Variants in R3HDM2 observed in about 807,000 individuals in gnomAD.
R3HDM2 encodes R3H domain-containing protein 2.
A neutral mutation model predicts 124.5 loss-of-function variants in R3HDM2; 38 were observed. The ratio of observed to expected loss-of-function variants is 0.31; its 90% CI spans 0.24 to 0.40. The LOEUF is 0.40. Ranked by LOEUF, R3HDM2 falls within the 10% of genes least tolerant of loss-of-function variation. The probability of loss-of-function intolerance (pLI) is 1.00; values close to 1 mark genes in which losing one functional copy is unlikely to be tolerated. For missense variants in R3HDM2, 869 were observed against 1,236.9 expected, an observed-to-expected ratio of 0.70 and a Z score of 4.46; for synonymous variants, 391 against 448.0, an observed-to-expected ratio of 0.87 and a Z score of 1.61.
chr12:57,338,257 C>T (rs921791660), intron 2 of R3HDM2, among the ~76,000 whole-genome samples: 30 of 152,126 alleles, frequency 2.0e-4, no homozygotes, highest in African/African-American at 7.0e-4. Flanking sequence ...GAGCCAAGAT[C>T]GCACCATTGC....
intron 2 of R3HDM2, among the ~76,000 whole-genome samples, chr12:57,380,872 A>G (rs887533558): frequency 1.3e-5 from 2 of 152,208 alleles, no homozygotes; most frequent in Non-Finnish European, 2.9e-5. Context: ...ACTGAAGCTA[A>G]TTAGTATTCT....
intron 1 of R3HDM2, among the ~76,000 whole-genome samples, chr12:57,405,498 GGTGGTGTGTGCT>G (rs1362810534): frequency 6.6e-6 from 1 of 152,044 alleles, no homozygotes; most frequent in African/African-American, 2.4e-5. Context: ...AGCTGGGCAT[GGTGGTGTGTGCT>G]GTAGTCTCAG....
At chr12:57,258,471 A>C (rs2039752884) in intron 20 of R3HDM2, among the ~76,000 whole-genome samples, 1 of 151,716 alleles carries the variant, frequency 6.6e-6, no homozygotes. Context: ...CAGCCTTCTG[A>C]GTAGCTGGGA....
chr12:57,420,966 C>G (rs2070128824), intron 1 of R3HDM2, among the ~76,000 whole-genome samples: 1 of 152,006 alleles, frequency 6.6e-6, no homozygotes, highest in Non-Finnish European at 1.5e-5. Context: ...AACCAAACAT[C>G]TCATCTTTTG....
intron 19 of R3HDM2, among the ~76,000 whole-genome samples, chr12:57,264,064 GA>G (rs1171038790): frequency 6.6e-6 from 1 of 151,990 alleles, no homozygotes; most frequent in Non-Finnish European, 1.5e-5. Flanking sequence ...CCAACATGGT[GA>G]ACGCCGTCTC....
At chr12:57,356,788 C>G (rs897369374) in intron 2 of R3HDM2, among the ~76,000 whole-genome samples, 1 of 152,200 alleles carries the variant, frequency 6.6e-6, no homozygotes, top group African/African-American at 2.4e-5. Context: ...CAGTTTGTGT[C>G]TTTCATGAAA....
At chr12:57,280,246 T>C (rs1302076319) in intron 14 of R3HDM2, 112 bp downstream of exon 14, 6 of 1,114,764 alleles carry the variant, frequency 5.4e-6, no homozygotes, top group Non-Finnish European at 6.1e-6. Context: ...GAGAGTGGCA[T>C]GTCTCCAAAA....
At chr12:57,278,616 G>A (rs2045412795) in intron 14 of R3HDM2, among the ~76,000 whole-genome samples, 1 of 152,134 alleles carries the variant, frequency 6.6e-6, no homozygotes. Flanking sequence ...TTAAGACACA[G>A]ACAGAGAAAA....
chr12:57,318,417 G>A lies in R3HDM2; in HGVS notation c.-35-7954C>T, dbSNP rs138608831. Among the ~76,000 whole-genome samples the A allele has an allele frequency of 4.4e-3, 674 of 151,534 alleles. 1 individual carries two copies. The highest frequency in any genetic ancestry group is 7.0e-3 in the Non-Finnish European group (476 of 67,892). Reference sequence around the variant, plus strand: ...TGTAATCCTAGCACTTTGGGGGGCCGAGGTGGGCAGATCACAAGGTCAGGA... The same window carrying A: ...TGTAATCCTAGCACTTTGGGGGGCCAAGGTGGGCAGATCACAAGGTCAGGA... On this transcript the variant is annotated intron_variant, in intron 2 of 23. Transcript: ENST00000402412.
chr12:57,413,880 G>C (rs1290309063), intron 1 of R3HDM2, among the ~76,000 whole-genome samples: 1 of 125,002 alleles, frequency 8.0e-6, no homozygotes, highest in Non-Finnish European at 1.6e-5. Flanking sequence ...GGAGTCTCAC[G>C]CTGTCACCTA....
At chr12:57,319,075 G>T (rs930102614) in intron 2 of R3HDM2, among the ~76,000 whole-genome samples, 1 of 152,148 alleles carries the variant, frequency 6.6e-6, no homozygotes, top group African/African-American at 2.4e-5. Context: ...GTATTTAGAA[G>T]CTTTCTCATT....
intron 2 of R3HDM2, among the ~76,000 whole-genome samples, chr12:57,370,626 G>T (rs1283254869): frequency 2.0e-5 from 3 of 152,068 alleles, no homozygotes; most frequent in Non-Finnish European, 4.4e-5. Flanking sequence ...GGCAACAAGA[G>T]CGAAACTCCA....
At chr12:57,302,627 T>A (rs2051460909) in intron 4 of R3HDM2, among the ~76,000 whole-genome samples, 1 of 132,052 alleles carries the variant, frequency 7.6e-6, no homozygotes, top group South Asian at 2.3e-4. Flanking sequence ...GATTGCACCA[T>A]CGCACTAAAG....
chr12:57,336,266 A>G (rs909332603), intron 2 of R3HDM2, among the ~76,000 whole-genome samples: 1 of 152,190 alleles, frequency 6.6e-6, no homozygotes, highest in African/African-American at 2.4e-5. Context: ...CTAAAAGCAG[A>G]ACTACCATTC....
intron 14 of R3HDM2, among the ~76,000 whole-genome samples, chr12:57,278,637 AAGG>A: frequency 6.6e-6 from 1 of 152,332 alleles, no homozygotes; most frequent in South Asian, 2.1e-4. Flanking sequence ...GTACACATAC[AAGG>A]ACACTATGCT....
intron 2 of R3HDM2, among the ~76,000 whole-genome samples, chr12:57,322,450 A>C (rs925101280): frequency 3.9e-5 from 6 of 152,168 alleles, no homozygotes; most frequent in South Asian, 4.1e-4. Context: ...AGAAAATGAA[A>C]AGGTACATGA....
intron 2 of R3HDM2, among the ~76,000 whole-genome samples, chr12:57,354,558 T>G (rs2061045465): frequency 1.3e-5 from 2 of 152,080 alleles, no homozygotes; most frequent in Admixed American, 6.6e-5. Flanking sequence ...CCTCCCAAAG[T>G]GCTGGGATTA....
At chr12:57,302,535 G>A (rs917416496) in intron 4 of R3HDM2, among the ~76,000 whole-genome samples, 3 of 151,640 alleles carry the variant, frequency 2.0e-5, no homozygotes, top group Admixed American at 6.6e-5. Flanking sequence ...GCATGGTGGC[G>A]GGCGCCTGTA....
At chr12:57,352,733 A>T (rs1178844405) in intron 2 of R3HDM2, among the ~76,000 whole-genome samples, 1 of 152,012 alleles carries the variant, frequency 6.6e-6, no homozygotes, top group Non-Finnish European at 1.5e-5. Context: ...ACCTCAAATG[A>T]TCCACCCACC....
Sources: gnomAD v4.1 joint callset for allele counts (sites outside exome capture counted in the v4.1 genomes callset) on GRCh38, gnomAD v4.1.1 for gene constraint, MANE v1.5 for transcripts, NCBI Gene and HGNC (gene_info 2026-07-23, HGNC 2026-07-21) for gene names.